The following CD82 variants were observed in gnomAD, a reference collection of about 807,000 sequenced individuals.
The protein encoded by CD82 is CD82 antigen.
In CD82, 36 loss-of-function variants were observed where a neutral mutation model predicts 37.4. The observed-to-expected ratio is 0.96, with a 90% CI of 0.74 to 1.27. CD82 has a LOEUF of 1.27. Among genes scored for constraint, CD82 ranks in the 50% most tolerant of loss-of-function variants. CD82 has a pLI of 0.00. For missense variants in CD82, 340 were observed against 347.0 expected (o/e 0.98, Z 0.16); for synonymous variants, 158 against 137.4 (o/e 1.15, Z -1.05).
At chr11:44,612,794 CAGCTAATTTTTGGTATTTTTTTTT>C (rs1853504711) in intron 6 of CD82, among the ~76,000 whole-genome samples, 2 of 151,868 alleles carry the variant, frequency 1.3e-5, no homozygotes, top group African/African-American at 4.8e-5. Flanking sequence ...CATTCACACC[CAGCTAATTTTTGGTATTTTTTTTT>C]AGTAGAGATG....
chr11:44,598,026 T>G (rs1378412768), intron 3 of CD82, among the ~76,000 whole-genome samples: 1 of 152,184 alleles, frequency 6.6e-6, no homozygotes, highest in Non-Finnish European at 1.5e-5. Flanking sequence ...AATATCCCTA[T>G]AGCTCACCTG....
At chr11:44,617,679 C>T (rs967664894) in intron 7 of CD82, among the ~76,000 whole-genome samples, 24 of 152,004 alleles carry the variant, frequency 1.6e-4, no homozygotes, top group African/African-American at 3.1e-4. Flanking sequence ...TAAAGTTGAA[C>T]GGCCTTTCCT....
intron 1 of CD82, among the ~76,000 whole-genome samples, chr11:44,569,107 C>T (rs1390895168): frequency 6.6e-6 from 1 of 152,208 alleles, no homozygotes; most frequent in Non-Finnish European, 1.5e-5. Context: ...GGACAGGACC[C>T]GTTTAATCTC....
chr11:44,613,957 G>A (rs1023000693), intron 6 of CD82, among the ~76,000 whole-genome samples: 2 of 152,158 alleles, frequency 1.3e-5, no homozygotes, highest in Admixed American at 1.3e-4. Flanking sequence ...GCTTGGGAAG[G>A]GGTGAGGGAG....
At chr11:44,587,843 C>T (rs908520787) in intron 2 of CD82, 6 of 324,104 alleles carry the variant, frequency 1.9e-5, no homozygotes, top group South Asian at 1.2e-4. Flanking sequence ...GCCTGAGAAC[C>T]GTCTCTTCGG....
chr11:44,600,871 C>T (rs138048051), intron 4 of CD82, among the ~76,000 whole-genome samples: 1 of 152,346 alleles, frequency 6.6e-6, no homozygotes, highest in African/African-American at 2.4e-5. Context: ...TGCTGAAGTT[C>T]ACACAGCTTC....
intron 1 of CD82, among the ~76,000 whole-genome samples, chr11:44,575,982 G>A (rs1266176338): frequency 1.3e-5 from 2 of 152,230 alleles, no homozygotes; most frequent in African/African-American, 4.8e-5. Context: ...TGCGGAAGCA[G>A]AGATGCCTTC....
chr11:44,568,093 C>T (rs1030151351), intron 1 of CD82, among the ~76,000 whole-genome samples: 2 of 152,196 alleles, frequency 1.3e-5, no homozygotes, highest in African/African-American at 4.8e-5. Flanking sequence ...GTGGGAGCCA[C>T]TGAAGGTTTC....
intron 6 of CD82, among the ~76,000 whole-genome samples, chr11:44,609,218 G>A (rs895570619): frequency 6.6e-6 from 1 of 152,230 alleles, no homozygotes; most frequent in African/African-American, 2.4e-5. Flanking sequence ...CTTCGGATAA[G>A]TTACCCAGAC....
At chr11:44,611,263 C>G (rs972389047) in intron 6 of CD82, among the ~76,000 whole-genome samples, 22 of 152,218 alleles carry the variant, frequency 1.4e-4, no homozygotes, top group African/African-American at 2.4e-5. Flanking sequence ...GTAGCCAGAG[C>G]CAGCAGAAGG....
chr11:44,589,173 T>G (rs966555804), intron 2 of CD82, among the ~76,000 whole-genome samples: 2 of 152,188 alleles, frequency 1.3e-5, no homozygotes, highest in African/African-American at 4.8e-5. Flanking sequence ...GGAGAATCAC[T>G]TGACCCTAGG....
In CD82 at chr11:44,619,373, A is replaced by C. The variant is rs116250454; in HGVS notation, c.*247A>C. 3.0e-3 allele frequency: 1,529 copies of C among 515,784 alleles called. 20 individuals carry two copies. Among genetic ancestry groups the C allele is most frequent in the African/African-American group, 0.026 (1,325 of 51,756 alleles). The allele number at this position is 515,784 out of a possible 1,614,324, so 32.0% of individuals were successfully genotyped here. ...TCAGGGTTCTCTTAGCAACTCAGAGAAAAATGCTCCCCACAGCGTCCCTGG... is the reference window on the plus strand; with the variant it reads ...TCAGGGTTCTCTTAGCAACTCAGAGCAAAATGCTCCCCACAGCGTCCCTGG... On this transcript the variant is annotated 3_prime_UTR_variant, in exon 10 of 10. Coordinates refer to ENST00000227155, the MANE Select transcript of CD82 (RefSeq NM_002231.4).
chr11:44,572,496 T>C (rs1295812301), intron 1 of CD82, among the ~76,000 whole-genome samples: 2 of 152,212 alleles, frequency 1.3e-5, no homozygotes, highest in Admixed American at 1.3e-4. Context: ...ATAAATCATA[T>C]TTTTTTCGAA....
At chr11:44,586,595 G>T (rs1031595176) in intron 1 of CD82, among the ~76,000 whole-genome samples, 1 of 152,158 alleles carries the variant, frequency 6.6e-6, no homozygotes, top group Non-Finnish European at 1.5e-5. Flanking sequence ...GGTTGAGGCT[G>T]CAGTGAGCTG....
At chr11:44,588,130 G>A (rs1019811416) in intron 2 of CD82, among the ~76,000 whole-genome samples, 4 of 152,170 alleles carry the variant, frequency 2.6e-5, no homozygotes, top group East Asian at 3.8e-4. Flanking sequence ...AGGAACTGCC[G>A]TCTATCCACA....
In CD82 at chr11:44,605,563, G is replaced by T. The variant is rs1170484151; in HGVS notation, c.336+134G>T. On this transcript the variant is annotated intron_variant, in intron 6 of 9. Coordinates refer to ENST00000227155, the MANE Select transcript of CD82 (RefSeq NM_002231.4). ...AGTAGGTGTCAGGGACGGCCTCCTG[G>T]ACACTATTCCTTGTGATCAAATGGG... The T allele has an allele frequency of 7.8e-6, 6 of 766,106 alleles. No individual in the cohort carries two copies. In the East Asian group the frequency reaches 1.6e-4, roughly 20 times the overall value. The allele number at this position is 766,106 out of a possible 1,614,324, so 47.5% of individuals were successfully genotyped here.
intron 6 of CD82, among the ~76,000 whole-genome samples, chr11:44,610,099 A>G (rs1590348157): frequency 6.6e-6 from 1 of 152,320 alleles, no homozygotes; most frequent in African/African-American, 2.4e-5. Flanking sequence ...TCATGCATTT[A>G]TACCTTATTA....
Position 44,619,220 on chromosome 11 carries a change from A to G in CD82, c.*94A>G, listed in dbSNP as rs1853620311. 1.0e-6 allele frequency: 1 copy of G among 988,184 alleles called. No homozygotes were observed. The highest frequency in any genetic ancestry group is 1.6e-6 in the Non-Finnish European group (1 of 614,632). The allele number at this position is 988,184 out of a possible 1,614,324, so 61.2% of individuals were successfully genotyped here. A position where few individuals can be genotyped will look rare whatever the true frequency, so the allele number is the denominator to read the frequency against. ...CTCCTCCAGGCCTGCCTCCCACTTC[A>G]CTGCGAAGACCCTCTTGCCCATCCT... On this transcript the variant is annotated 3_prime_UTR_variant, in exon 10 of 10. Coordinates refer to ENST00000227155, the MANE Select transcript of CD82 (RefSeq NM_002231.4).
intron 1 of CD82, among the ~76,000 whole-genome samples, chr11:44,586,627 G>A (rs1353528895): frequency 1.3e-5 from 2 of 152,152 alleles, no homozygotes; most frequent in Non-Finnish European, 2.9e-5. Flanking sequence ...TTGCACTCCA[G>A]CCTTGGTGAC....
Sources: allele counts gnomAD v4.1 joint callset (sites outside exome capture counted in the v4.1 genomes callset), GRCh38; gene constraint gnomAD v4.1.1; transcripts MANE v1.5; gene names NCBI Gene and HGNC (gene_info 2026-07-23, HGNC 2026-07-21).